The following CARMIL2 variants were observed in gnomAD, a reference collection of about 807,000 sequenced individuals.
CARMIL2 encodes the protein capping protein regulator and myosin 1 linker 2, also known as capping protein, Arp2/3 and myosin-I linker protein 2.
CARMIL2 carries 96 observed loss-of-function variants against 173.3 expected under a neutral mutation model. That is an observed-to-expected ratio of 0.55 (90% CI 0.47 to 0.66). CARMIL2 has a LOEUF of 0.66. Among genes scored for constraint, CARMIL2 ranks in the 30% least tolerant of loss-of-function variants. The pLI, the probability that CARMIL2 is intolerant of heterozygous loss-of-function variation, is 0.00. For missense variants in CARMIL2, 1,771 were observed against 1,906.7 expected (o/e 0.93, Z 1.33); for synonymous variants, 830 against 817.1 (o/e 1.02, Z -0.27).
chr16:67,650,608 C>T (rs1471439168), intron 22 of CARMIL2: 1 of 189,534 alleles, frequency 5.3e-6, no homozygotes, highest in African/African-American at 2.3e-5. Flanking sequence ...TTAATCCAGA[C>T]ATCCTGCTGG....
chr16:67,655,106 AG>A (rs1352075464), intron 32 of CARMIL2, among the ~76,000 whole-genome samples: 1 of 152,168 alleles, frequency 6.6e-6, no homozygotes. Context: ...TTTGGACCTG[AG>A]AAAGTCTTTT....
At position 67,651,784 on chromosome 16, in the gene CARMIL2, T is replaced by C; in HGVS notation, c.2527T>C (p.Ser843Pro). ...GCAGCTAGAGGGGGTCCTGGCAGGC[T>C]CGAGGGGCCTCCCGGAGCTGCTCCC... Reference protein sequence around the residue: ...REQLEGVLAGSRGLPELLPEQ... With the variant: ...REQLEGVLAGPRGLPELLPEQ... Residue 843 changes from serine (S) to proline (P), a missense_variant, in exon 25 of 38, where the codon TCG (serine) becomes CCG (proline). Transcript: ENST00000334583. The surrounding 1 kb of genome is among the most constrained non-coding windows in gnomAD (Gnocchi z 4.2). The C allele has an allele frequency of 6.2e-7, 1 of 1,608,118 alleles. No homozygotes were observed. The highest frequency in any genetic ancestry group is 2.2e-5 in the East Asian group (1 of 44,658).
Position 67,649,093 on chromosome 16 carries a change from G to A in CARMIL2, c.1609G>A (p.Val537Met). Residue 537 changes from valine to methionine, a missense_variant, in exon 18 of 38, where the codon GTG (valine) becomes ATG (methionine). This residue lies in a region of CARMIL2 where 944 missense variants were observed against 975.6 expected (regional missense o/e 0.97). Transcript: ENST00000334583. The surrounding 1 kb of genome is among the most constrained non-coding windows in gnomAD (Gnocchi z 6.7). ...LADNGFGSDMVTLVLAIGRSR... is the reference protein window; with the variant it reads ...LADNGFGSDMMTLVLAIGRSR... The stretch of plus-strand genomic sequence containing the variant: ...ACCCCCAGGCTTCGGCTCAGACATG[G>A]TGACTCTGGTGCTGGCCATCGGGAG... 6.2e-7 allele frequency: 1 copy of A among 1,613,096 alleles called. No individual in the cohort carries two copies.
At position 67,649,134 on chromosome 16, in the gene CARMIL2, A is replaced by G; in HGVS notation, c.1650A>G (p.Arg550=). 1 of 1,613,576 alleles carries G rather than the reference A, an allele frequency of 6.2e-7. No individual in the cohort carries two copies. Among genetic ancestry groups the G allele is most frequent in the Non-Finnish European group, 8.5e-7 (1 of 1,179,794 alleles). ...VLAIGRSRSL[R]HVALGRNFNV... Reference sequence around the variant, plus strand: ...CCATCGGGAGAAGCCGGTCCCTGAGACATGTGGCGCTTGGAAGGAACTTCA... The same window carrying G: ...CCATCGGGAGAAGCCGGTCCCTGAGGCATGTGGCGCTTGGAAGGAACTTCA... Residue 550 remains arginine (R), a synonymous_variant, in exon 18 of 38, where the codon AGA becomes AGG. Transcript: ENST00000334583. The surrounding 1 kb of genome is among the most constrained non-coding windows in gnomAD (Gnocchi z 6.7).
chr16:67,645,930 C>T, intron 3 of CARMIL2, 88 bp from the exon 4 acceptor site: 2 of 1,581,262 alleles, frequency 1.3e-6, no homozygotes, highest in Non-Finnish European at 1.7e-6. Flanking sequence ...CCAGGCAGAT[C>T]TGGCTCTGCC....
At chr16:67,650,384 G>A (rs1490638035) in intron 22 of CARMIL2, 1 of 569,900 alleles carries the variant, frequency 1.8e-6, no homozygotes, top group Non-Finnish European at 3.1e-6. Flanking sequence ...TCCTGTTAGA[G>A]AGGAATTTTT....
At chr16:67,654,006 A>T (rs147179167) in intron 29 of CARMIL2, 143 bp from the exon 30 acceptor site, 5 of 597,112 alleles carry the variant, frequency 8.4e-6, no homozygotes, top group Non-Finnish European at 1.2e-5. Flanking sequence ...GCAGGACAGT[A>T]GGAGGCTGGT....
Position 67,647,667 on chromosome 16 carries a change from CCCA to C in CARMIL2, c.872-10_872-8del, listed in dbSNP as rs1257209458. On this transcript the variant is annotated splice_polypyrimidine_tract_variant and intron_variant, in intron 11 of 37. Coordinates refer to ENST00000334583, the MANE Select transcript of CARMIL2 (RefSeq NM_001013838.3). ...AGGAGGTGAGACCCACGTGGCTGTT[CCCA>C]CCCCCCAAGGCATGACTGCACTCAG... 4 of 1,599,790 alleles carry C rather than the reference CCCA, an allele frequency of 2.5e-6. No individual in the cohort carries two copies. The highest frequency in any genetic ancestry group is 3.4e-6 in the Non-Finnish European group (4 of 1,174,194).
Position 67,651,773 on chromosome 16 carries a change from T to C in CARMIL2, c.2516T>C (p.Val839Ala). The change falls in exon 25 of 38, where the codon GTC becomes GCC. Residue 839 changes from valine to alanine, a missense_variant. Transcript: ENST00000334583. The surrounding 1 kb of genome is among the most constrained non-coding windows in gnomAD (Gnocchi z 4.2). ...AGCTGGAGGGAGCAGCTAGAGGGGG[T>C]CCTGGCAGGCTCGAGGGGCCTCCCG... The part of the protein sequence containing the change: ...GSSWREQLEG[V>A]LAGSRGLPEL... 6.2e-7 allele frequency: 1 copy of C among 1,606,814 alleles called. No homozygotes were observed. Among genetic ancestry groups the C allele is most frequent in the Non-Finnish European group, 8.5e-7 (1 of 1,177,340 alleles).
At chr16:67,654,112 ACT>A in intron 29 of CARMIL2, 35 bp from the exon 30 acceptor site, 1 of 1,072,968 alleles carries the variant, frequency 9.3e-7, no homozygotes, top group Non-Finnish European at 1.3e-6. Flanking sequence ...CCAGAGTTGC[ACT>A]CAACCCTGAC....
chr16:67,657,181 G>A lies in CARMIL2; in HGVS notation c.4118-58G>A. On this transcript the variant is annotated intron_variant, in intron 36 of 37. Coordinates refer to ENST00000334583, the MANE Select transcript of CARMIL2 (RefSeq NM_001013838.3). The surrounding 1 kb of genome is among the most constrained non-coding windows in gnomAD (Gnocchi z 4.5). ...GCACTGGAGGTGGAAGAGAGGGGCA[G>A]GGGATGGACAGACCCCAAGCCTTAG... 2.7e-6 allele frequency: 4 copies of A among 1,475,004 alleles called. No individual in the cohort carries two copies. The highest frequency in any genetic ancestry group is 3.8e-6 in the Non-Finnish European group (4 of 1,063,558). 91.4% of individuals were successfully genotyped at this position (1,475,004 alleles called of 1,614,324 possible).
Position 67,648,331 on chromosome 16 carries a change from G to A in CARMIL2, c.1334+17G>A, listed in dbSNP as rs73597581. 160,307 of 1,573,484 alleles carry A rather than the reference G, an allele frequency of 0.1. 9,025 individuals are homozygous for A. The highest frequency in any genetic ancestry group is 0.19 in the African/African-American group (14,143 of 74,430). On this transcript the variant is annotated intron_variant, in intron 14 of 37. Coordinates refer to ENST00000334583, the MANE Select transcript of CARMIL2 (RefSeq NM_001013838.3). The surrounding 1 kb of genome is among the most constrained non-coding windows in gnomAD (Gnocchi z 6.1). ...CTCCCGCACGTAAGGGGGACCTGTC[G>A]GGGCCGGGGGAGGCTGCTGGAAGCC...
At chr16:67,655,950 GA>G in intron 32 of CARMIL2, 80 bp from the exon 33 acceptor site, 1 of 1,515,224 alleles carries the variant, frequency 6.6e-7, no homozygotes, top group African/African-American at 1.4e-5. Context: ...TCAGTGGCAG[GA>G]TTATAAGAAC....
chr16:67,648,688 C>A lies in CARMIL2; in HGVS notation c.1443C>A (p.Ala481=). ...CCCGTGTAACGTCCTCTCCCAGAGC[C>A]CTTTTGGATGGCCTCGCGCTCAACA... ...GCKLPPDALR[A]LLDGLALNTH... The change falls in exon 16 of 38, where the codon GCC becomes GCA. Residue 481 remains alanine, a synonymous_variant. Transcript: ENST00000334583. This position sits in a 1 kb window ranked among gnomAD's most constrained non-coding sequence, Gnocchi z 6.1. 6.2e-7 allele frequency: 1 copy of A among 1,605,978 alleles called. No individual in the cohort carries two copies. The highest frequency in any genetic ancestry group is 8.5e-7 in the Non-Finnish European group (1 of 1,176,618).
chr16:67,657,465 C>T lies in CARMIL2; in HGVS notation c.4255C>T (p.Arg1419Trp), dbSNP rs766853064. ...GCCCACAGAGCCCTCCAGCCCTGAG[C>T]GGAGCCCACCCTCCCCAGCCACAGA... The part of the protein sequence containing the change: ...PQPTEPSSPE[R>W]SPPSPATDQR... The change falls in exon 38 of 38, where the codon CGG (arginine) becomes TGG (tryptophan). Residue 1419 changes from arginine to tryptophan, a missense_variant. By Grantham distance (101) the Arg-to-Trp change is moderately radical. This residue lies in a region of CARMIL2 where 817 missense variants were observed against 903.5 expected (regional missense o/e 0.90). Coordinates refer to ENST00000334583, the MANE Select transcript of CARMIL2 (RefSeq NM_001013838.3). This position sits in a 1 kb window ranked among gnomAD's most constrained non-coding sequence, Gnocchi z 4.5. 2.7e-5 allele frequency: 43 copies of T among 1,611,224 alleles called. No homozygotes were observed. The highest frequency in any genetic ancestry group is 1.7e-4 in the Middle Eastern group (1 of 6,056).
rs2052572910 is a variant in CARMIL2, at chr16:67,645,295, T to C, written c.40+9T>C. Reference sequence around the variant, plus strand: ...CTCCTGTGAGCTCCGAGGTAAGCGCTGGCCCTTCCTGCCTTCTTGGCCGGG... The same window carrying C: ...CTCCTGTGAGCTCCGAGGTAAGCGCCGGCCCTTCCTGCCTTCTTGGCCGGG... On this transcript the variant is annotated intron_variant, in intron 1 of 37. Coordinates refer to ENST00000334583, the MANE Select transcript of CARMIL2 (RefSeq NM_001013838.3). 6.2e-7 allele frequency: 1 copy of C among 1,602,730 alleles called. No homozygotes were observed. The highest frequency in any genetic ancestry group is 2.2e-5 in the East Asian group (1 of 44,522).
At position 67,648,146 on chromosome 16, in the gene CARMIL2, T is replaced by A. The variant is rs1224375752; in HGVS notation, c.1166T>A (p.Val389Glu). 2 of 1,474,966 alleles carry A rather than the reference T, an allele frequency of 1.4e-6. No individual in the cohort carries two copies. The highest frequency in any genetic ancestry group is 1.8e-6 in the Non-Finnish European group (2 of 1,096,570). The allele number at this position is 1,474,966 out of a possible 1,614,324, so 91.4% of individuals were successfully genotyped here. A position where few individuals can be genotyped will look rare whatever the true frequency, so the allele number is the denominator to read the frequency against. The change falls in exon 14 of 38, where the codon GTG becomes GAG. Residue 389 changes from valine to glutamate, a missense_variant. Val to Glu is a moderately radical substitution (Grantham distance 121, BLOSUM62 -2). Coordinates refer to ENST00000334583, the MANE Select transcript of CARMIL2 (RefSeq NM_001013838.3). This position sits in a 1 kb window ranked among gnomAD's most constrained non-coding sequence, Gnocchi z 6.1. ...TALDTVRGCSVGGWMTGRADW... is the reference protein window; with the variant it reads ...TALDTVRGCSEGGWMTGRADW... Reference sequence around the variant, plus strand: ...CTGGACACTGTGAGGGGGTGCTCCGTGGGGGGATGGATGACCGGCAGGGCG... The same window carrying A: ...CTGGACACTGTGAGGGGGTGCTCCGAGGGGGGATGGATGACCGGCAGGGCG...
chr16:67,648,308 C>G lies in CARMIL2; in HGVS notation c.1328C>G (p.Ser443Cys). The G allele has an allele frequency of 6.3e-7, 1 of 1,589,380 alleles. No individual in the cohort carries two copies. Among genetic ancestry groups the G allele is most frequent in the Non-Finnish European group, 8.5e-7 (1 of 1,175,426 alleles). ...THLDASRNVF[S>C]RTKSRAAPAA... ...CTCGACGCTTCGAGGAACGTCTTCT[C>G]CCGCACGTAAGGGGGACCTGTCGGG... The change falls in exon 14 of 38, where the codon TCC (serine) becomes TGC (cysteine). Residue 443 changes from serine to cysteine, a missense_variant. By Grantham distance (112) the Ser-to-Cys change is moderately radical (BLOSUM62 -1). Around this residue, in one of 3 missense-constraint regions of CARMIL2, gnomAD observed 944 missense variants for 975.6 expected, o/e 0.97. Coordinates refer to ENST00000334583, the MANE Select transcript of CARMIL2 (RefSeq NM_001013838.3). The surrounding 1 kb of genome is among the most constrained non-coding windows in gnomAD (Gnocchi z 6.1).
chr16:67,654,359 T>A lies in CARMIL2; in HGVS notation c.3249T>A (p.Thr1083=). 1 of 1,601,686 alleles carries A rather than the reference T, an allele frequency of 6.2e-7. No individual in the cohort carries two copies. Among genetic ancestry groups the A allele is most frequent in the Non-Finnish European group, 8.5e-7 (1 of 1,174,638 alleles). ...GGGCCCCCGAGGAGGACCCGGCCAC[T>A]GAGGGGGGCGCCACTCCTGTCCCCC... The part of the protein sequence containing the change: ...RLWAPEEDPA[T]EGGATPVPRT... Residue 1083 remains threonine (T), a synonymous_variant, in exon 31 of 38, where the codon ACT becomes ACA. Transcript: ENST00000334583.
Sources: allele counts gnomAD v4.1 joint callset (sites outside exome capture counted in the v4.1 genomes callset), GRCh38; gene constraint gnomAD v4.1.1; regional missense constraint gnomAD v4.1.1; non-coding constraint Gnocchi (gnomAD v3.1); transcripts MANE v1.5; gene names NCBI Gene and HGNC (gene_info 2026-07-23, HGNC 2026-07-21).